The following DIP2C variants were observed in gnomAD, a reference collection of about 807,000 sequenced individuals.
DIP2C encodes DIP2 acetate--CoA ligase C (putative), also known as disco-interacting protein 2 homolog C.
A neutral mutation model predicts 192.4 loss-of-function variants in DIP2C; 33 were observed. The observed-to-expected ratio is 0.17, with a 90% confidence interval of 0.13 to 0.23. The LOEUF (loss-of-function observed/expected upper bound fraction) is 0.23. Among genes scored for constraint, DIP2C ranks in the 10% least tolerant of loss-of-function variants. The pLI is 1.00. For missense variants in DIP2C, 1,537 were observed against 2,110.1 expected (o/e 0.73, Z 5.32); for synonymous variants, 979 against 864.1 (o/e 1.13, Z -2.33).
intron 1 of DIP2C, among the ~76,000 whole-genome samples, chr10:510,285 A>G (rs993401828): frequency 5.9e-5 from 9 of 152,208 alleles, no homozygotes; most frequent in Admixed American, 3.9e-4. Context: ...TGATAAAACC[A>G]GACTTCAACA....
chr10:503,508 T>C (rs1405195917), intron 1 of DIP2C, among the ~76,000 whole-genome samples: 2 of 152,136 alleles, frequency 1.3e-5, no homozygotes, highest in South Asian at 2.1e-4. Context: ...GCTACAAAGA[T>C]GTATCTTAAA....
At chr10:388,755 A>G (rs1204663049) in intron 13 of DIP2C, among the ~76,000 whole-genome samples, 1 of 152,232 alleles carries the variant, frequency 6.6e-6, no homozygotes, top group Non-Finnish European at 1.5e-5. Context: ...TAGAAAAAGA[A>G]AAGTGTTTCA....
rs12572733 is a variant in DIP2C, at chr10:613,825, C to T, written c.85+75669G>A. On this transcript the variant is annotated intron_variant, in intron 1 of 36. Coordinates refer to ENST00000280886, the MANE Select transcript of DIP2C (RefSeq NM_014974.3). ...CTTCCCTGTGCCCCGGGAAACATGG[C>T]GTTTCCACACACCCCTGCTTTGGTT... Among the ~76,000 whole-genome samples the T allele has an allele frequency of 2.4e-4, 36 of 150,348 alleles. No homozygotes were observed. In the East Asian group the frequency reaches 5.7e-3, roughly 24 times the overall value.
chr10:688,155 C>T (rs1831401326), intron 1 of DIP2C, among the ~76,000 whole-genome samples: 1 of 152,208 alleles, frequency 6.6e-6, no homozygotes, highest in Non-Finnish European at 1.5e-5. Context: ...GAACCCTGCA[C>T]ACGGCAGCTC....
In DIP2C at chr10:486,497, CTCT is replaced by C. The variant is rs775973498; in HGVS notation, c.116_118del (p.Lys39del). On this transcript the variant is annotated inframe_deletion, in exon 2 of 37. Transcript: ENST00000280886. ...AAGGTAGGCTCCAATTAACTTTGACCTCTTCTTTTCATATCCTTTTTGTGTGAT... is the reference window on the plus strand; with the variant it reads ...AAGGTAGGCTCCAATTAACTTTGACCTCTTTTCATATCCTTTTTGTGTGAT... 1 of 1,605,758 alleles carries C rather than the reference CTCT, an allele frequency of 6.2e-7. No individual in the cohort carries two copies. The highest frequency in any genetic ancestry group is 8.5e-7 in the Non-Finnish European group (1 of 1,176,274).
intron 1 of DIP2C, among the ~76,000 whole-genome samples, chr10:551,089 C>T (rs777491162): frequency 6.6e-6 from 1 of 152,202 alleles, no homozygotes; most frequent in East Asian, 1.9e-4. Context: ...ACGGCTTCCC[C>T]GGGCCTCGGT....
chr10:486,794 G>C (rs117970454), intron 1 of DIP2C, among the ~76,000 whole-genome samples: 4,120 of 152,280 alleles, frequency 0.027, 99 homozygotes, highest in Non-Finnish European at 0.043. Context: ...GGGGTCCAGG[G>C]TTAGACCCCT....
chr10:614,219 G>T (rs911848554), intron 1 of DIP2C, among the ~76,000 whole-genome samples: 36 of 152,312 alleles, frequency 2.4e-4, no homozygotes, highest in African/African-American at 7.9e-4. Flanking sequence ...AGTCACACTT[G>T]GTGATCTCAA....
At chr10:592,650 A>G (rs1343175247) in intron 1 of DIP2C, among the ~76,000 whole-genome samples, 1 of 152,204 alleles carries the variant, frequency 6.6e-6, no homozygotes, top group African/African-American at 2.4e-5. Flanking sequence ...TTGGAGGCAC[A>G]TCTAGAAAAA....
intron 31 of DIP2C, among the ~76,000 whole-genome samples, chr10:315,314 T>C (rs1182581933): frequency 6.6e-6 from 1 of 152,212 alleles, no homozygotes; most frequent in East Asian, 1.9e-4. Flanking sequence ...ATTTACTCTT[T>C]TCAGTATTCT....
chr10:352,795 G>A (rs1183946980), intron 24 of DIP2C, among the ~76,000 whole-genome samples: 2 of 152,124 alleles, frequency 1.3e-5, no homozygotes, highest in Admixed American at 6.5e-5. Context: ...TCCCCACCCC[G>A]TGTGGTTGAA....
At chr10:435,962 T>TAC (rs1285092497) in intron 4 of DIP2C, among the ~76,000 whole-genome samples, 1 of 152,112 alleles carries the variant, frequency 6.6e-6, no homozygotes, top group Non-Finnish European at 1.5e-5. Flanking sequence ...TAGCCTCATA[T>TAC]ATATATATAA....
chr10:399,020 C>T (rs1056299020), intron 10 of DIP2C, 89 bp downstream of exon 10: 10 of 1,136,274 alleles, frequency 8.8e-6, no homozygotes, highest in Non-Finnish European at 6.5e-6. Context: ...GCCCCAGAAA[C>T]AGCGAGGAGA....
At chr10:306,212 T>C (rs1452616062) in intron 32 of DIP2C, among the ~76,000 whole-genome samples, 1 of 151,912 alleles carries the variant, frequency 6.6e-6, no homozygotes, top group Non-Finnish European at 1.5e-5. Flanking sequence ...GGAGAGTGTG[T>C]CCCCTCACTC....
At chr10:367,724 C>T (rs952650964) in intron 18 of DIP2C, among the ~76,000 whole-genome samples, 9 of 152,238 alleles carry the variant, frequency 5.9e-5, no homozygotes, top group Non-Finnish European at 7.3e-5. Context: ...CTTAGTGCCC[C>T]CACAAGGTAG....
At chr10:511,611 G>C (rs963818582) in intron 1 of DIP2C, among the ~76,000 whole-genome samples, 3 of 138,274 alleles carry the variant, frequency 2.2e-5, no homozygotes, top group Non-Finnish European at 4.6e-5. Context: ...AACGTGGTGG[G>C]AGGTGGATCC....
At chr10:389,575 G>A (rs187410910) in intron 13 of DIP2C, among the ~76,000 whole-genome samples, 42 of 152,312 alleles carry the variant, frequency 2.8e-4, no homozygotes, top group East Asian at 1.2e-3. Flanking sequence ...CGTTAACAGC[G>A]TCTCCCCAGA....
rs566038492 is a variant in DIP2C, at chr10:483,654, C to A, written c.157+2805G>T. On this transcript the variant is annotated intron_variant, in intron 2 of 36. Coordinates refer to ENST00000280886, the MANE Select transcript of DIP2C (RefSeq NM_014974.3). ...CCCTGTCGCCTTCTCATCAGCTCTG[C>A]CCCTTGCTCCTGAGAGGGTGCGAGG... Among the ~76,000 whole-genome samples the A allele has an allele frequency of 1.3e-3, 196 of 152,320 alleles. 1 individual carries two copies. Among genetic ancestry groups the A allele is most frequent in the African/African-American group, 4.3e-3 (177 of 41,582 alleles).
chr10:418,278 G>GCATCCC (rs1172487131), intron 6 of DIP2C, among the ~76,000 whole-genome samples: 2 of 133,730 alleles, frequency 1.5e-5, no homozygotes. Flanking sequence ...CCTCAGATAG[G>GCATCCC]CATCCCCGTC....
Sources: allele counts gnomAD v4.1 joint callset (sites outside exome capture counted in the v4.1 genomes callset), GRCh38; gene constraint gnomAD v4.1.1; transcripts MANE v1.5; gene names NCBI Gene and HGNC (gene_info 2026-07-23, HGNC 2026-07-21).